The following SMYD2 variants were observed in gnomAD, a reference collection of about 807,000 sequenced individuals.
SMYD2 encodes SET and MYND domain containing 2.
A neutral mutation model predicts 59.1 loss-of-function variants in SMYD2; 53 were observed. The ratio of observed to expected loss-of-function variants is 0.90; its 90% CI spans 0.72 to 1.13. The LOEUF is 1.13. SMYD2 is among the 50% of genes most tolerant of loss of function. SMYD2 has a pLI of 0.00. For synonymous variants in SMYD2, 208 were observed against 198.8 expected (o/e 1.05, Z -0.39); for missense variants, 494 against 544.7 (o/e 0.91, Z 0.93).
Position 214,318,194 on chromosome 1 carries a change from G to A in SMYD2, c.409+55G>A. 1.3e-6 allele frequency: 2 copies of A among 1,532,442 alleles called. No homozygotes were observed. The highest frequency in any genetic ancestry group is 1.8e-6 in the Non-Finnish European group (2 of 1,110,824). The allele number at this position is 1,532,442 out of a possible 1,614,324, so 94.9% of individuals were successfully genotyped here. ...TCTCTCAGCCACAGATTTCACATGGGTTGGGCAGGATTGAAGCGAGGACGG... is the reference window on the plus strand; with the variant it reads ...TCTCTCAGCCACAGATTTCACATGGATTGGGCAGGATTGAAGCGAGGACGG... On this transcript the variant is annotated intron_variant, in intron 4 of 11. Coordinates refer to ENST00000366957, the MANE Select transcript of SMYD2 (RefSeq NM_020197.3). This position sits in a 1 kb window ranked among gnomAD's most constrained non-coding sequence, Gnocchi z 5.4.
chr1:214,333,718 C>A (rs1657393489), intron 10 of SMYD2: 1 of 153,588 alleles, frequency 6.5e-6, no homozygotes, highest in Non-Finnish European at 1.4e-5. Flanking sequence ...TTTTGCTAAA[C>A]CAACCCATAT....
At chr1:214,307,127 C>G (rs780659637) in intron 2 of SMYD2, among the ~76,000 whole-genome samples, 7 of 152,188 alleles carry the variant, frequency 4.6e-5, no homozygotes, top group Admixed American at 3.3e-4. Context: ...GAGCCGAGAT[C>G]GTGCCTTTGC....
chr1:214,322,516 T>C (rs1307116944), intron 5 of SMYD2, among the ~76,000 whole-genome samples: 1 of 152,230 alleles, frequency 6.6e-6, no homozygotes, highest in Non-Finnish European at 1.5e-5. Context: ...ATTTTCTGCT[T>C]TTTGTGTTGA....
intron 6 of SMYD2, among the ~76,000 whole-genome samples, chr1:214,327,107 T>C (rs148013895): frequency 6.6e-6 from 1 of 152,262 alleles, no homozygotes; most frequent in African/African-American, 2.4e-5. Flanking sequence ...GATGAGGAAA[T>C]TGAGGTGCAG....
intron 1 of SMYD2, among the ~76,000 whole-genome samples, chr1:214,284,836 A>AT (rs1656510903): frequency 6.6e-6 from 1 of 152,150 alleles, no homozygotes; most frequent in South Asian, 2.1e-4. Flanking sequence ...TTAACCCCCA[A>AT]TGTGATTTGT....
intron 2 of SMYD2, among the ~76,000 whole-genome samples, chr1:214,311,762 C>T (rs1657002007): frequency 6.6e-6 from 1 of 151,766 alleles, no homozygotes; most frequent in Non-Finnish European, 1.5e-5. Context: ...ATTTAACTTC[C>T]CAGGAATTCA....
At chr1:214,295,641 A>G (rs1656714471) in intron 1 of SMYD2, among the ~76,000 whole-genome samples, 1 of 152,192 alleles carries the variant, frequency 6.6e-6, no homozygotes, top group Admixed American at 6.5e-5. Context: ...CCTCAGAACA[A>G]AGCCTGGTGC....
intron 1 of SMYD2, among the ~76,000 whole-genome samples, chr1:214,298,997 G>A (rs556052542): frequency 6.6e-6 from 1 of 152,076 alleles, no homozygotes; most frequent in Non-Finnish European, 1.5e-5. Context: ...CTACAAAATA[G>A]CAAATTAGCC....
At position 214,336,759 on chromosome 1, in the gene SMYD2, T is replaced by TCAAA. The variant is rs1221799089; in HGVS notation, c.1280_1283dup (p.Glu429ThrfsTer4). Reference sequence around the variant, plus strand: ...AAAGATCATCCATATATTTCTGAGATCAAACAGGAAATTGAAAGCCACTGA... The same window carrying TCAAA: ...AAAGATCATCCATATATTTCTGAGATCAAACAAACAGGAAATTGAAAGCCACTGA... On this transcript the variant is annotated frameshift_variant, in exon 12 of 12. Coordinates refer to ENST00000366957, the MANE Select transcript of SMYD2 (RefSeq NM_020197.3). LOFTEE classifies it high-confidence loss of function. 6.2e-7 allele frequency: 1 copy of TCAAA among 1,613,524 alleles called. No homozygotes were observed. Among genetic ancestry groups the TCAAA allele is most frequent in the Non-Finnish European group, 8.5e-7 (1 of 1,179,936 alleles).
chr1:214,301,221 A>G (rs944401988), intron 1 of SMYD2, among the ~76,000 whole-genome samples: 12 of 152,188 alleles, frequency 7.9e-5, no homozygotes, highest in Non-Finnish European at 1.8e-4. Context: ...AAAGCTTCAC[A>G]TAGATACGTA....
intron 1 of SMYD2, among the ~76,000 whole-genome samples, chr1:214,286,495 G>T (rs1485716959): frequency 6.6e-6 from 1 of 151,930 alleles, no homozygotes; most frequent in Non-Finnish European, 1.5e-5. Context: ...TGTGGACTGG[G>T]CATGGTGGCT....
intron 1 of SMYD2, among the ~76,000 whole-genome samples, chr1:214,283,487 C>A (rs1656481129): frequency 6.6e-6 from 1 of 152,150 alleles, no homozygotes; most frequent in South Asian, 2.1e-4. Flanking sequence ...TAAAATAATA[C>A]AAAAGAAATA....
chr1:214,315,963 G>T (rs1657079372), intron 3 of SMYD2, among the ~76,000 whole-genome samples: 1 of 152,166 alleles, frequency 6.6e-6, no homozygotes, highest in Non-Finnish European at 1.5e-5. Context: ...CGCCTGGTCT[G>T]GTTCATTCTT....
chr1:214,311,958 C>T (rs1329087794), intron 2 of SMYD2, among the ~76,000 whole-genome samples: 1 of 152,076 alleles, frequency 6.6e-6, no homozygotes, highest in Non-Finnish European at 1.5e-5. Flanking sequence ...CTCAGGTATC[C>T]CGAGGGTCAT....
chr1:214,308,333 T>C (rs1656946628), intron 2 of SMYD2, among the ~76,000 whole-genome samples: 1 of 152,200 alleles, frequency 6.6e-6, no homozygotes, highest in Admixed American at 6.5e-5. Context: ...ACTGAAGAAC[T>C]AAATAAGTGT....
chr1:214,324,501 C>T (rs768738690), intron 5 of SMYD2, 140 bp from the exon 6 acceptor site: 5 of 699,572 alleles, frequency 7.1e-6, no homozygotes, highest in Non-Finnish European at 9.5e-6. Flanking sequence ...TGAACGATAA[C>T]ATGGGCAAAA....
rs139303877 is a variant in SMYD2, at chr1:214,334,324, G to A, written c.1221+16G>A. ...CCTGAAGAAGGTATGTCTGTAACTC[G>A]GCCTTAGGATTCCCAGTGGCCAGAT... On this transcript the variant is annotated intron_variant, in intron 11 of 11. Coordinates refer to ENST00000366957, the MANE Select transcript of SMYD2 (RefSeq NM_020197.3). The A allele has an allele frequency of 3.6e-4, 586 of 1,610,312 alleles. No individual in the cohort carries two copies. The African/African-American group carries it at 6.2e-3, about 17-fold the overall frequency.
intron 9 of SMYD2, chr1:214,331,717 A>C (rs1395868479): frequency 1.1e-5 from 3 of 273,360 alleles, no homozygotes; most frequent in African/African-American, 6.5e-5. Flanking sequence ...CAGGGTTCCA[A>C]CTTGGGTGAG....
chr1:214,327,814 C>T (rs1282773781), intron 7 of SMYD2, 90 bp downstream of exon 7: 1 of 1,121,712 alleles, frequency 8.9e-7, no homozygotes, highest in South Asian at 1.3e-5. Context: ...TGTCACTTGA[C>T]AGTATGAGTT....
Sources: gnomAD v4.1 joint callset for allele counts (sites outside exome capture counted in the v4.1 genomes callset) on GRCh38, gnomAD v4.1.1 for gene constraint, Gnocchi (gnomAD v3.1) non-coding constraint, MANE v1.5 for transcripts, NCBI Gene and HGNC (gene_info 2026-07-23, HGNC 2026-07-21) for gene names.